Variants in PTCHD4 observed in about 807,000 individuals in gnomAD.
The protein encoded by PTCHD4 is patched domain containing 4.
A neutral mutation model predicts 58.1 loss-of-function variants in PTCHD4; 33 were observed. That is an observed-to-expected ratio of 0.57 (90% CI 0.43 to 0.76). The LOEUF (loss-of-function observed/expected upper bound fraction) is 0.76, where lower values mean the gene tolerates loss of function less well. Ranked by LOEUF, PTCHD4 falls within the 30% of genes least tolerant of loss-of-function variation. The pLI, the probability that PTCHD4 is intolerant of heterozygous loss-of-function variation, is 0.00. For missense variants in PTCHD4, 1,058 were observed against 1,027.1 expected, an observed-to-expected ratio of 1.03 and a Z score of -0.41; for synonymous variants, 478 against 409.6, an observed-to-expected ratio of 1.17 and a Z score of -2.02.
Position 47,865,162 on chromosome 6 carries a change from A to G in PTCHD4, c.*13141T>C, listed in dbSNP as rs1581796477. On this transcript the variant is annotated 3_prime_UTR_variant, in exon 5 of 5. Transcript: ENST00000339488. ...CTCTAGCTATAATACGTGCATGTAG[A>G]TAAGAGTTATATATACCTGAGTATC... 1.3e-5 allele frequency among the ~76,000 whole-genome samples: 2 copies of G among 151,978 alleles called. No individual in the cohort carries two copies. The highest frequency in any genetic ancestry group is 4.1e-4 in the South Asian group (2 of 4,834).
intron 4 of PTCHD4, among the ~76,000 whole-genome samples, chr6:47,938,994 C>T (rs1474434894): frequency 1.3e-5 from 2 of 151,996 alleles, no homozygotes; most frequent in African/African-American, 4.8e-5. Flanking sequence ...TGGAAAGATG[C>T]AGGTAGTGTT....
chr6:48,010,977 A>G (rs1231459997), intron 3 of PTCHD4, among the ~76,000 whole-genome samples: 1 of 152,158 alleles, frequency 6.6e-6, no homozygotes, highest in Admixed American at 6.5e-5. Flanking sequence ...CCAACCTATT[A>G]TGGATAGGCA....
intron 4 of PTCHD4, among the ~76,000 whole-genome samples, chr6:47,955,739 G>A (rs932458657): frequency 1.3e-5 from 2 of 152,182 alleles, no homozygotes; most frequent in Non-Finnish European, 2.9e-5. Context: ...TTACATACAT[G>A]TATAACCTGG....
Position 47,877,643 on chromosome 6 carries a change from G to T in PTCHD4, c.*660C>A, listed in dbSNP as rs974481488. Among the ~76,000 whole-genome samples the T allele has an allele frequency of 2.0e-5, 3 of 152,004 alleles. No individual in the cohort carries two copies. Among genetic ancestry groups the T allele is most frequent in the Non-Finnish European group, 4.4e-5 (3 of 67,982 alleles). ...TGAGACACTTGGGTTGATTTAGAAC[G>T]GCTATTAATGAATCTATAAATTTGG... On this transcript the variant is annotated 3_prime_UTR_variant, in exon 5 of 5. Transcript: ENST00000339488.
chr6:47,935,857 G>T (rs545666703), intron 4 of PTCHD4, among the ~76,000 whole-genome samples: 1 of 152,224 alleles, frequency 6.6e-6, no homozygotes, highest in East Asian at 1.9e-4. Context: ...GTAGTATGGA[G>T]AAAAATAAAA....
chr6:47,857,537 A>G lies in PTCHD4; in HGVS notation c.*20766T>C, dbSNP rs975737803. ...GTAGTACATGAAGTAGTCACAGGTG[A>G]TATCTACATTTCTTTATTGCATTCT... is the stretch of plus-strand genomic sequence containing the variant. On this transcript the variant is annotated 3_prime_UTR_variant, in exon 5 of 5. Coordinates refer to ENST00000339488, the MANE Select transcript of PTCHD4 (RefSeq NM_001384253.1). Among the ~76,000 whole-genome samples, 1 of 149,986 alleles carries G rather than the reference A, an allele frequency of 6.7e-6. No individual in the cohort carries two copies. The highest frequency in any genetic ancestry group is 2.4e-5 in the African/African-American group (1 of 41,270).
chr6:48,052,586 G>T (rs1000907662), intron 3 of PTCHD4, among the ~76,000 whole-genome samples: 1 of 151,996 alleles, frequency 6.6e-6, no homozygotes, highest in South Asian at 2.1e-4. Flanking sequence ...TGATGCTTAC[G>T]TTAAACTCTT....
chr6:47,884,255 A>C (rs187208543), intron 4 of PTCHD4, among the ~76,000 whole-genome samples: 230 of 152,284 alleles, frequency 1.5e-3, no homozygotes, highest in African/African-American at 5.0e-3. Context: ...TCCAGATGCC[A>C]ATCAACCATG....
chr6:48,094,941 C>A (rs968875579), intron 1 of PTCHD4, among the ~76,000 whole-genome samples: 1 of 151,980 alleles, frequency 6.6e-6, no homozygotes, highest in Non-Finnish European at 1.5e-5. Flanking sequence ...ATGTAAAACT[C>A]TAGAAAAAGC....
At chr6:48,031,528 T>C (rs1763439064) in intron 3 of PTCHD4, among the ~76,000 whole-genome samples, 3 of 152,114 alleles carry the variant, frequency 2.0e-5, no homozygotes, top group South Asian at 4.1e-4. Context: ...AAAAATGGCA[T>C]AGGTTATCAG....
chr6:48,081,059 C>T (rs1418566488), intron 1 of PTCHD4, among the ~76,000 whole-genome samples: 1 of 152,106 alleles, frequency 6.6e-6, no homozygotes, highest in African/African-American at 2.4e-5. Flanking sequence ...TATAAAGAGG[C>T]ATGGAAACCA....
intron 1 of PTCHD4, among the ~76,000 whole-genome samples, chr6:48,073,092 CAATCACATGGT>C (rs2113886069): frequency 6.6e-6 from 1 of 152,260 alleles, no homozygotes; most frequent in African/African-American, 2.4e-5. Flanking sequence ...CAGTGGATAT[CAATCACATGGT>C]AATTATTGCA....
Position 48,106,357 on chromosome 6 carries a change from A to T in PTCHD4, c.-970+4692T>A, listed in dbSNP as rs192384764. On this transcript the variant is annotated intron_variant, in intron 1 of 4. Coordinates refer to ENST00000339488, the MANE Select transcript of PTCHD4 (RefSeq NM_001384253.1). ...CAGAAACAAAGACACAAACCACATG[A>T]TTATCTCAATAGATGCAGAAAAGAC... 1.7e-3 allele frequency among the ~76,000 whole-genome samples: 262 copies of T among 152,330 alleles called. 1 individual carries two copies. Among genetic ancestry groups the T allele is most frequent in the African/African-American group, 5.9e-3 (246 of 41,564 alleles).
At position 47,879,035 on chromosome 6, in the gene PTCHD4, GATATTGCTTTCATCCCC is replaced by G; in HGVS notation, c.1783_1799del (p.Gly595HisfsTer12). The G allele has an allele frequency of 6.2e-7, 1 of 1,613,354 alleles. No individual in the cohort carries two copies. Among genetic ancestry groups the G allele is most frequent in the Non-Finnish European group, 8.5e-7 (1 of 1,179,644 alleles). ...CCACCAGATACAAGCGAGAAGCAAT[GATATTGCTTTCATCCCC>G]TGCCTTGGAGAAGATGATATCATTT... On this transcript the variant is annotated frameshift_variant, in exon 5 of 5. Coordinates refer to ENST00000339488, the MANE Select transcript of PTCHD4 (RefSeq NM_001384253.1). LOFTEE classifies it high-confidence loss of function.
chr6:48,096,913 GA>G (rs1765482415), intron 1 of PTCHD4, among the ~76,000 whole-genome samples: 1 of 151,986 alleles, frequency 6.6e-6, no homozygotes, highest in African/African-American at 2.4e-5. Context: ...TGTTTCAACT[GA>G]AAATTTTGTA....
chr6:48,029,496 T>C (rs1358906849), intron 3 of PTCHD4, among the ~76,000 whole-genome samples: 3 of 152,146 alleles, frequency 2.0e-5, no homozygotes, highest in South Asian at 2.1e-4. Context: ...TTAATTCCTA[T>C]GGCTTTTCTG....
chr6:47,941,842 T>C (rs752251420), intron 4 of PTCHD4, among the ~76,000 whole-genome samples: 7 of 152,298 alleles, frequency 4.6e-5, no homozygotes, highest in Non-Finnish European at 8.8e-5. Context: ...ATTTAAAAAT[T>C]AATTAAAAGA....
chr6:47,961,772 T>C (rs1156559909), intron 4 of PTCHD4, among the ~76,000 whole-genome samples: 1 of 152,090 alleles, frequency 6.6e-6, no homozygotes, highest in Non-Finnish European at 1.5e-5. Flanking sequence ...AAAAGAATAC[T>C]TAGGGAGAAA....
chr6:48,105,404 G>C (rs1394542659), intron 1 of PTCHD4, among the ~76,000 whole-genome samples: 1 of 152,112 alleles, frequency 6.6e-6, no homozygotes, highest in Non-Finnish European at 1.5e-5. Flanking sequence ...AAACCAATGA[G>C]AACAAAGGCA....
Sources: gnomAD v4.1 joint callset for allele counts (sites outside exome capture counted in the v4.1 genomes callset) on GRCh38, gnomAD v4.1.1 for gene constraint, MANE v1.5 for transcripts, NCBI Gene and HGNC (gene_info 2026-07-23, HGNC 2026-07-21) for gene names.